The following CPXM2 variants were observed in gnomAD, a reference collection of about 807,000 sequenced individuals.
CPXM2 encodes the protein carboxypeptidase X, M14 family member 2.
CPXM2 carries 66 observed loss-of-function variants against 86.1 expected under a neutral mutation model. The observed-to-expected ratio is 0.77, with a 90% CI of 0.63 to 0.94. The LOEUF is 0.94. CPXM2 is among the 40% of genes least tolerant of loss of function. The probability of loss-of-function intolerance (pLI) is 0.00; values close to 1 mark genes in which losing one functional copy is unlikely to be tolerated. For missense variants in CPXM2, 948 were observed against 1,026.3 expected, an observed-to-expected ratio of 0.92 and a Z score of 1.04; for synonymous variants, 388 against 400.2, an observed-to-expected ratio of 0.97 and a Z score of 0.36.
chr10:123,811,975 G>A (rs536651904), intron 4 of CPXM2, among the ~76,000 whole-genome samples: 16 of 152,256 alleles, frequency 1.1e-4, no homozygotes, highest in South Asian at 8.3e-4. Flanking sequence ...AAACCTTAAA[G>A]AAGACTATGA....
intron 4 of CPXM2, among the ~76,000 whole-genome samples, chr10:123,839,973 C>T (rs1315117967): frequency 6.6e-6 from 1 of 152,230 alleles, no homozygotes; most frequent in African/African-American, 2.4e-5. Flanking sequence ...AGGAAAGATA[C>T]TGTTCCACTG....
At chr10:123,779,794 T>C (rs1846891306) in intron 7 of CPXM2, among the ~76,000 whole-genome samples, 1 of 152,216 alleles carries the variant, frequency 6.6e-6, no homozygotes, top group Non-Finnish European at 1.5e-5. Context: ...GTTGATCCTA[T>C]GTGAATATTT....
chr10:123,772,984 T>G (rs1432478131), intron 7 of CPXM2, among the ~76,000 whole-genome samples: 1 of 148,036 alleles, frequency 6.8e-6, no homozygotes, highest in Non-Finnish European at 1.5e-5. Flanking sequence ...GGTCACCACC[T>G]CCCTTGTTGT....
At chr10:123,910,516 C>T (rs977878802) in intron 2 of CPXM2, among the ~76,000 whole-genome samples, 3 of 152,186 alleles carry the variant, frequency 2.0e-5, no homozygotes, top group Non-Finnish European at 1.5e-5. Context: ...CAGCTTTCTT[C>T]ACTTCCCGTC....
intron 2 of CPXM2, among the ~76,000 whole-genome samples, chr10:123,866,668 G>T (rs939822098): frequency 6.6e-6 from 1 of 152,204 alleles, no homozygotes; most frequent in African/African-American, 2.4e-5. Context: ...CATCAGGCAG[G>T]TGTGAACGCT....
intron 4 of CPXM2, among the ~76,000 whole-genome samples, chr10:123,810,705 G>A (rs1847671545): frequency 6.6e-6 from 1 of 152,006 alleles, no homozygotes; most frequent in Non-Finnish European, 1.5e-5. Context: ...ACATAAGTGG[G>A]GATCTATACC....
chr10:123,925,483 A>G (rs186501171), intron 2 of CPXM2, among the ~76,000 whole-genome samples: 364 of 152,382 alleles, frequency 2.4e-3, no homozygotes, highest in Non-Finnish European at 4.2e-3. Context: ...TGGCTTCCAC[A>G]ATAATTTCAC....
intron 4 of CPXM2, among the ~76,000 whole-genome samples, chr10:123,808,412 A>T (rs1026876368): frequency 6.6e-6 from 1 of 152,146 alleles, no homozygotes; most frequent in African/African-American, 2.4e-5. Context: ...GCTGAAAAAA[A>T]GAATAGTGAG....
At chr10:123,858,916 C>A (rs1383792669) in intron 3 of CPXM2, among the ~76,000 whole-genome samples, 1 of 152,232 alleles carries the variant, frequency 6.6e-6, no homozygotes, top group Non-Finnish European at 1.5e-5. Flanking sequence ...TTGACACTCA[C>A]AATTCCATGA....
At chr10:123,797,829 T>C in intron 6 of CPXM2, 147 bp downstream of exon 6, 1 of 677,318 alleles carries the variant, frequency 1.5e-6, no homozygotes, top group Non-Finnish European at 2.1e-6. Flanking sequence ...AGTGATTGAT[T>C]CTGCCTCCTC....
intron 2 of CPXM2, among the ~76,000 whole-genome samples, chr10:123,901,891 C>T (rs1020195603): frequency 6.6e-6 from 1 of 152,174 alleles, no homozygotes; most frequent in Non-Finnish European, 1.5e-5. Flanking sequence ...CAGAACTCAG[C>T]TGTGTCATCA....
chr10:123,811,564 C>A (rs1164985903), intron 4 of CPXM2, among the ~76,000 whole-genome samples: 1 of 151,888 alleles, frequency 6.6e-6, no homozygotes, highest in East Asian at 1.9e-4. Flanking sequence ...ACACAACCAG[C>A]CAAATCATAA....
chr10:123,768,756 C>T (rs762306663), intron 8 of CPXM2, 34 bp from the exon 9 acceptor site: 27 of 1,584,394 alleles, frequency 1.7e-5, no homozygotes, highest in Non-Finnish European at 2.1e-5. Context: ...CACAGGTTCA[C>T]GTTGAAACAC....
chr10:123,815,344 T>C (rs1359099948), intron 4 of CPXM2, among the ~76,000 whole-genome samples: 1 of 152,196 alleles, frequency 6.6e-6, no homozygotes, highest in African/African-American at 2.4e-5. Context: ...GCTCTCATCA[T>C]GTGAGTGGCT....
chr10:123,786,052 A>G (rs1847046469), intron 6 of CPXM2, among the ~76,000 whole-genome samples: 1 of 152,234 alleles, frequency 6.6e-6, no homozygotes, highest in Non-Finnish European at 1.5e-5. Context: ...TAATGACCAC[A>G]GTATATGAGA....
Position 123,821,839 on chromosome 10 carries a change from C to A in CPXM2, c.653+20510G>T, listed in dbSNP as rs576864945. ...TGCCAATTGTGCTAAGTTTGGGAAA[C>A]CCATTCTAAACAATTCAAATAACAA... On this transcript the variant is annotated intron_variant, in intron 4 of 13. Coordinates refer to ENST00000241305, the MANE Select transcript of CPXM2 (RefSeq NM_198148.3). Among the ~76,000 whole-genome samples the A allele has an allele frequency of 2.8e-4, 42 of 152,252 alleles. 1 individual carries two copies. The highest frequency in any genetic ancestry group is 9.6e-4 in the African/African-American group (40 of 41,550).
At chr10:123,819,943 C>T (rs1216617656) in intron 4 of CPXM2, among the ~76,000 whole-genome samples, 1 of 152,130 alleles carries the variant, frequency 6.6e-6, no homozygotes, top group Non-Finnish European at 1.5e-5. Flanking sequence ...TCTGGGTGGG[C>T]ACCATCTAAT....
At chr10:123,752,487 G>T (rs1846100576) in intron 13 of CPXM2, 1 of 985,218 alleles carries the variant, frequency 1.0e-6, no homozygotes. Context: ...TACATATTTG[G>T]TCTTTTATGC....
chr10:123,846,822 C>T (rs1848505417), intron 3 of CPXM2, among the ~76,000 whole-genome samples: 1 of 152,072 alleles, frequency 6.6e-6, no homozygotes, highest in Admixed American at 6.5e-5. Context: ...GGACTAAAAA[C>T]CACTGAACAG....
Sources: gnomAD v4.1 joint callset for allele counts (sites outside exome capture counted in the v4.1 genomes callset) on GRCh38, gnomAD v4.1.1 for gene constraint, MANE v1.5 for transcripts, NCBI Gene and HGNC (gene_info 2026-07-23, HGNC 2026-07-21) for gene names.